HHLA2: variants seen among roughly 807,000 people sequenced by gnomAD.
The protein encoded by HHLA2 is HHLA2 member of B7 family.
In HHLA2, 48 loss-of-function variants were observed where a neutral mutation model predicts 45.9. The ratio of observed to expected loss-of-function variants is 1.05; its 90% CI spans 0.83 to 1.33. HHLA2 has a LOEUF of 1.33. Ranked by LOEUF, HHLA2 falls within the 40% of genes most tolerant of loss-of-function variation. HHLA2 has a pLI of 0.00. For synonymous variants in HHLA2, 161 were observed against 173.9 expected, an observed-to-expected ratio of 0.93 and a Z score of 0.59; for missense variants, 462 against 494.3, an observed-to-expected ratio of 0.93 and a Z score of 0.62.
chr3:108,367,191 A>C (rs891493610), intron 8 of HHLA2, among the ~76,000 whole-genome samples: 2 of 152,184 alleles, frequency 1.3e-5, no homozygotes, highest in Non-Finnish European at 2.9e-5. Flanking sequence ...ATACAAAACC[A>C]CATCCAAAGG....
At chr3:108,373,845 A>G (rs1350504872) in intron 8 of HHLA2, among the ~76,000 whole-genome samples, 1 of 151,964 alleles carries the variant, frequency 6.6e-6, no homozygotes, top group African/African-American at 2.4e-5. Flanking sequence ...AAACAAATGG[A>G]AGAACATTCC....
chr3:108,364,536 AT>A (rs1297900784), intron 8 of HHLA2, among the ~76,000 whole-genome samples: 2 of 152,222 alleles, frequency 1.3e-5, no homozygotes, highest in East Asian at 3.8e-4. Flanking sequence ...GTCAAATGGT[AT>A]GTCTGGTTCC....
rs137880386 is a variant in HHLA2, at chr3:108,323,079, C to T, written c.-104-5191C>T. Among the ~76,000 whole-genome samples, 521 of 149,026 alleles carry T rather than the reference C, an allele frequency of 3.5e-3. 2 individuals are homozygous for T. The highest frequency in any genetic ancestry group is 5.8e-3 in the Non-Finnish European group (394 of 67,666). ...TTGTTTGTTTGTTTTGACCTCACCT[C>T]TTTTTCTGCTTTATCCATTTCTTAA... On this transcript the variant is annotated intron_variant, in intron 2 of 10. Transcript: ENST00000619531.
Position 108,314,127 on chromosome 3 carries a change from A to AT in HHLA2, c.-105+3395dup, listed in dbSNP as rs904573874. On this transcript the variant is annotated intron_variant, in intron 2 of 10. Transcript: ENST00000619531. The stretch of plus-strand genomic sequence containing the variant: ...CTTCTGCTGTGTGGAGTTCAGATTG[A>AT]TTTTTTTTTATCTTTGTGCACACAA... 2.2e-4 allele frequency among the ~76,000 whole-genome samples: 34 copies of AT among 151,506 alleles called. 2 individuals are homozygous for AT. Among genetic ancestry groups the AT allele is most frequent in the African/African-American group, 4.6e-4 (19 of 41,310 alleles).
chr3:108,322,684 A>T (rs948622874), intron 2 of HHLA2, among the ~76,000 whole-genome samples: 3 of 152,174 alleles, frequency 2.0e-5, no homozygotes, highest in African/African-American at 7.2e-5. Context: ...ATTCCAGACT[A>T]GCCTGGGTGT....
chr3:108,358,107 T>A, exon 7 of HHLA2: 1 of 1,613,290 alleles, frequency 6.2e-7, no homozygotes, highest in Non-Finnish European at 8.5e-7. Flanking sequence ...GGAATATTTA[T>A]GCAATATTTC....
Position 108,373,916 on chromosome 3 carries a change from T to C in HHLA2, c.1109-1834T>C, listed in dbSNP as rs1457416457. ...TGGCCATACTGCCCAAGGTAATTTA[T>C]AGATTCAATGCCATCCCCATCAAGC... is the stretch of plus-strand genomic sequence containing the variant. On this transcript the variant is annotated intron_variant, in intron 8 of 10. Transcript: ENST00000619531. Among the ~76,000 whole-genome samples, 5 of 150,762 alleles carry C rather than the reference T, an allele frequency of 3.3e-5. No homozygotes were observed. The South Asian group carries it at 6.3e-4, about 19-fold the overall frequency.
rs186707605 is a variant in HHLA2 at position 108,334,068 on chromosome 3, G to A, written c.-27+5721G>A. Among the ~76,000 whole-genome samples, 8 of 152,324 alleles carry A rather than the reference G, an allele frequency of 5.3e-5. No individual in the cohort carries two copies. In the East Asian group the frequency reaches 1.2e-3, roughly 22 times the overall value. ...ACTGTTCTTCATAGGCCAAGACTGT[G>A]AAGTGGGAGGGTGCAATGAAAATGG... On this transcript the variant is annotated intron_variant, in intron 3 of 10. Coordinates refer to ENST00000619531, the Ensembl canonical transcript of HHLA2.
chr3:108,308,161 AC>A (rs1343603137), intron 1 of HHLA2, among the ~76,000 whole-genome samples: 1 of 152,064 alleles, frequency 6.6e-6, no homozygotes, highest in African/African-American at 2.4e-5. Flanking sequence ...CCCCGCAACC[AC>A]CACTACCCTT....
intron 1 of HHLA2, among the ~76,000 whole-genome samples, chr3:108,300,463 G>A (rs2080831309): frequency 6.6e-6 from 1 of 152,110 alleles, no homozygotes; most frequent in Non-Finnish European, 1.5e-5. Context: ...CAGAGTGATG[G>A]GTAGATTAGG....
At position 108,298,928 on chromosome 3, in the gene HHLA2, T is replaced by C. The variant is rs192612184; in HGVS notation, c.-192+2329T>C. The stretch of plus-strand genomic sequence containing the variant: ...CTTGCAGCTTCCTTGCTTTAATACT[T>C]CTGTTTCAGGTGGGATGTCTTCTCC... On this transcript the variant is annotated intron_variant, in intron 1 of 10. Coordinates refer to ENST00000619531, the Ensembl canonical transcript of HHLA2. Among the ~76,000 whole-genome samples, 7 of 152,344 alleles carry C rather than the reference T, an allele frequency of 4.6e-5. No individual in the cohort carries two copies. The East Asian group carries it at 9.6e-4, about 21-fold the overall frequency.
In HHLA2 at chr3:108,302,602, T is replaced by C. The variant is rs915448778; in HGVS notation, c.-192+6003T>C. The C allele has an allele frequency of 2.0e-5, 3 of 152,194 alleles. No individual in the cohort carries two copies. In the East Asian group the frequency reaches 5.8e-4, roughly 29 times the overall value. The allele number at this position is 152,194 out of a possible 1,614,324, so 9.4% of individuals were successfully genotyped here. A position where few individuals can be genotyped will look rare whatever the true frequency, so the allele number is the denominator to read the frequency against. The stretch of plus-strand genomic sequence containing the variant: ...CCAATTCAAGTTGGGAACACTTCCT[T>C]GGTATTTCCTTGCTACATGGACTTT... On this transcript the variant is annotated intron_variant, in intron 1 of 10. Coordinates refer to ENST00000619531, the Ensembl canonical transcript of HHLA2.
chr3:108,351,815 T>A (rs992968730), exon 4 of HHLA2: 4 of 1,612,654 alleles, frequency 2.5e-6, no homozygotes, highest in Admixed American at 1.7e-5. Flanking sequence ...GCACAAGACA[T>A]GAAGGCACAG....
intron 3 of HHLA2, among the ~76,000 whole-genome samples, chr3:108,339,099 G>T (rs565624420): frequency 6.6e-6 from 1 of 152,158 alleles, no homozygotes; most frequent in Admixed American, 6.6e-5. Flanking sequence ...GCAGACAAAT[G>T]ATTTTGGAGT....
intron 1 of HHLA2, among the ~76,000 whole-genome samples, chr3:108,306,695 C>G (rs2080935939): frequency 6.6e-6 from 1 of 152,082 alleles, no homozygotes; most frequent in Non-Finnish European, 1.5e-5. Flanking sequence ...GTAGTTAGGC[C>G]AACTTTTTTA....
intron 7 of HHLA2, among the ~76,000 whole-genome samples, chr3:108,360,373 T>G (rs527353138): frequency 6.6e-6 from 1 of 152,330 alleles, no homozygotes; most frequent in Admixed American, 6.5e-5. Context: ...AGATAGAAGA[T>G]TCATTTTCAC....
chr3:108,330,554 T>A (rs1249985751), intron 3 of HHLA2, among the ~76,000 whole-genome samples: 1 of 152,216 alleles, frequency 6.6e-6, no homozygotes, highest in Non-Finnish European at 1.5e-5. Flanking sequence ...GTGAGTCCTT[T>A]AGCAGAGACT....
At chr3:108,356,678 C>T (rs186943836) in intron 6 of HHLA2, among the ~76,000 whole-genome samples, 1 of 152,312 alleles carries the variant, frequency 6.6e-6, no homozygotes, top group East Asian at 1.9e-4. Context: ...AGGCTCAGTA[C>T]TGTTTGGTCT....
At chr3:108,316,499 G>A (rs914290618) in intron 2 of HHLA2, among the ~76,000 whole-genome samples, 3 of 152,140 alleles carry the variant, frequency 2.0e-5, no homozygotes, top group Non-Finnish European at 4.4e-5. Flanking sequence ...CCCAGTCTAA[G>A]ACCTGAAAGA....
Sources: gnomAD v4.1 joint callset for allele counts (sites outside exome capture counted in the v4.1 genomes callset) on GRCh38, gnomAD v4.1.1 for gene constraint, MANE v1.5 for transcripts, NCBI Gene and HGNC (gene_info 2026-07-23, HGNC 2026-07-21) for gene names.